The following ZFAT variants were observed in gnomAD, a reference collection of about 807,000 sequenced individuals.
ZFAT encodes zinc finger protein ZFAT.
Under a neutral mutation model 117.7 loss-of-function variants are expected in ZFAT, and 64 were observed. The observed-to-expected ratio is 0.54, with a 90% CI of 0.44 to 0.67. The LOEUF (loss-of-function observed/expected upper bound fraction) is 0.67. ZFAT is among the 30% of genes least tolerant of loss of function. ZFAT has a pLI of 0.00. For missense variants in ZFAT, 1,433 were observed against 1,584.5 expected, an observed-to-expected ratio of 0.90 and a Z score of 1.62; for synonymous variants, 679 against 615.0, an observed-to-expected ratio of 1.10 and a Z score of -1.54.
intron 13 of ZFAT, 93 bp from the exon 14 acceptor site, chr8:134,512,694 A>G: frequency 1.4e-6 from 2 of 1,475,300 alleles, no homozygotes; most frequent in South Asian, 1.4e-5. Flanking sequence ...ACAAACGCAT[A>G]TAAGAAAGCA....
chr8:134,601,692 G>C lies in ZFAT; in HGVS notation c.2027C>G (p.Ser676Ter). ...GDPDPSRCLRSNPAEASDLLP... is the reference protein window; with the variant it reads ...GDPDPSRCLR ...GAGGTCTGAGGCCTCAGCTGGGTTT[G>C]ACCTGAGACACCTGCTGGGATCTGG... The change falls in exon 6 of 16, where the codon TCA (serine) becomes TGA (stop). Residue 676 changes from serine (S) to a stop codon, truncating the protein, a stop_gained. Transcript: ENST00000377838. LOFTEE classifies it high-confidence loss of function. The C allele has an allele frequency of 6.2e-7, 1 of 1,613,734 alleles. No homozygotes were observed. Among genetic ancestry groups the C allele is most frequent in the Non-Finnish European group, 8.5e-7 (1 of 1,179,790 alleles).
rs1817227333 is a variant in ZFAT, at chr8:134,480,578, G to T, written c.3493-1857C>A. On this transcript the variant is annotated intron_variant, in intron 15 of 15. Transcript: ENST00000377838. ...CAGGCACAGGGCACAGTGAATGACT[G>T]TGCTGTGGAGTAGCTGGGCTCTTGC... is the stretch of plus-strand genomic sequence containing the variant. Among the ~76,000 whole-genome samples the T allele has an allele frequency of 2.0e-5, 3 of 152,348 alleles. No individual in the cohort carries two copies. In the South Asian group the frequency reaches 6.2e-4, roughly 32 times the overall value.
the ZFAT span, among the ~76,000 whole-genome samples, chr8:134,782,743 G>T: frequency 5.9e-5 from 9 of 151,874 alleles, no homozygotes; most frequent in African/African-American, 1.9e-4. Flanking sequence ...ATGATTATGA[G>T]GCCTCCCCAG....
chr8:134,825,222 G>A, the ZFAT span, among the ~76,000 whole-genome samples: 1 of 152,178 alleles, frequency 6.6e-6, no homozygotes, highest in Non-Finnish European at 1.5e-5. Flanking sequence ...AGTGAGAAGC[G>A]TGAATTAAAA....
At chr8:134,722,009 T>C in the ZFAT span, among the ~76,000 whole-genome samples, 1 of 152,248 alleles carries the variant, frequency 6.6e-6, no homozygotes, top group South Asian at 2.1e-4. Flanking sequence ...TAAGCATTTA[T>C]GGCGTGCCCA....
At chr8:134,494,028 C>T (rs1322492508) in intron 15 of ZFAT, among the ~76,000 whole-genome samples, 1 of 152,178 alleles carries the variant, frequency 6.6e-6, no homozygotes, top group African/African-American at 2.4e-5. Context: ...TAATACTTGA[C>T]TTTCTTCCCC....
At chr8:134,829,176 G>C in the ZFAT span, among the ~76,000 whole-genome samples, 1 of 152,164 alleles carries the variant, frequency 6.6e-6, no homozygotes, top group African/African-American at 2.4e-5. Flanking sequence ...CCTTAAATCA[G>C]GCTTGTCCAA....
intron 11 of ZFAT, among the ~76,000 whole-genome samples, chr8:134,550,310 GAAAA>G (rs10680896): frequency 8.3e-5 from 6 of 72,540 alleles, no homozygotes; most frequent in East Asian, 4.9e-4. Context: ...GGTCACAACG[GAAAA>G]AAAAAAAAAA....
At chr8:134,804,820 C>A in the ZFAT span, 1 of 522,302 alleles carries the variant, frequency 1.9e-6, no homozygotes, top group Non-Finnish European at 3.9e-6. Context: ...ATTTTATAGC[C>A]TCCTCAACTC....
chr8:134,712,760 C>T (rs969041529), intron 1 of ZFAT, 85 bp downstream of exon 1: 4 of 1,377,570 alleles, frequency 2.9e-6, no homozygotes, highest in Non-Finnish European at 3.9e-6. Context: ...CACTGCTTCC[C>T]GACTCGACGC....
At chr8:134,569,220 G>T (rs1824699348) in intron 10 of ZFAT, among the ~76,000 whole-genome samples, 1 of 151,948 alleles carries the variant, frequency 6.6e-6, no homozygotes, top group Non-Finnish European at 1.5e-5. Context: ...ATGAGGACCT[G>T]GTATCAAGAC....
the ZFAT span, among the ~76,000 whole-genome samples, chr8:134,787,638 T>C: frequency 2.0e-5 from 3 of 152,190 alleles, no homozygotes; most frequent in Non-Finnish European, 4.4e-5. Flanking sequence ...TTCAGTTTTA[T>C]TGCTCAAGTT....
At chr8:134,551,344 T>A (rs1445961167) in intron 11 of ZFAT, among the ~76,000 whole-genome samples, 1 of 152,130 alleles carries the variant, frequency 6.6e-6, no homozygotes, top group Non-Finnish European at 1.5e-5. Context: ...CTGGTAGAGT[T>A]TTTCAGGGCA....
At chr8:134,698,319 A>C in intron 1 of ZFAT, among the ~76,000 whole-genome samples, 1 of 74,664 alleles carries the variant, frequency 1.3e-5, no homozygotes, top group African/African-American at 5.2e-5. Flanking sequence ...GCGAGACTCC[A>C]TCTCAAAAAA....
intron 1 of ZFAT, among the ~76,000 whole-genome samples, chr8:134,664,243 C>T: frequency 6.6e-6 from 1 of 152,080 alleles, no homozygotes; most frequent in South Asian, 2.1e-4. Flanking sequence ...GGCTGACCTC[C>T]CCTCAGCCAG....
At chr8:134,810,278 A>C in the ZFAT span, among the ~76,000 whole-genome samples, 4 of 152,228 alleles carry the variant, frequency 2.6e-5, no homozygotes, top group East Asian at 7.7e-4. Context: ...TCAATATATA[A>C]GCAAAAAGAG....
At chr8:134,649,971 G>A (rs1831137766) in intron 2 of ZFAT, among the ~76,000 whole-genome samples, 1 of 152,080 alleles carries the variant, frequency 6.6e-6, no homozygotes. Context: ...TAATCGTCTG[G>A]CATTTCCCCT....
chr8:134,783,316 G>A, the ZFAT span, among the ~76,000 whole-genome samples: 5 of 152,172 alleles, frequency 3.3e-5, no homozygotes, highest in African/African-American at 1.2e-4. Context: ...GCAGGTGACT[G>A]ATGGCCAAGT....
chr8:134,625,827 C>T lies in ZFAT; in HGVS notation c.448+11634G>A, dbSNP rs573391324. Among the ~76,000 whole-genome samples the T allele has an allele frequency of 6.6e-5, 10 of 152,302 alleles. No individual in the cohort carries two copies. The South Asian group carries it at 1.2e-3, about 19-fold the overall frequency. On this transcript the variant is annotated intron_variant, in intron 3 of 15. Coordinates refer to ENST00000377838, the MANE Select transcript of ZFAT (RefSeq NM_020863.4). ...GTGAGCCACGTGTTCAGTACTTCTC[C>T]GGTCTCAGGCATGGTCACCGTGAGA...
Sources: allele counts gnomAD v4.1 joint callset (sites outside exome capture counted in the v4.1 genomes callset), GRCh38; gene constraint gnomAD v4.1.1; transcripts MANE v1.5; gene names NCBI Gene and HGNC (gene_info 2026-07-23, HGNC 2026-07-21).